TTC7B: variants seen among roughly 807,000 people sequenced by gnomAD.
TTC7B encodes tetratricopeptide repeat protein 7B.
Under a neutral mutation model 106.8 loss-of-function variants are expected in TTC7B, and 28 were observed. The ratio of observed to expected loss-of-function variants is 0.26; its 90% CI spans 0.19 to 0.36. The LOEUF is 0.36. Ranked by LOEUF, TTC7B falls within the 10% of genes least tolerant of loss-of-function variation. The probability of loss-of-function intolerance (pLI) is 1.00; values close to 1 mark genes in which losing one functional copy is unlikely to be tolerated. For missense variants in TTC7B, 862 were observed against 1,076.4 expected, an observed-to-expected ratio of 0.80 and a Z score of 2.79; for synonymous variants, 405 against 430.6, an observed-to-expected ratio of 0.94 and a Z score of 0.74.
At chr14:90,560,888 G>T (rs11620738) in intron 19 of TTC7B, among the ~76,000 whole-genome samples, 42,085 of 152,070 alleles carry the variant, frequency 0.28, 6,776 homozygotes, top group Admixed American at 0.37. Flanking sequence ...TCACCTTTGT[G>T]TAATATATCA....
intron 15 of TTC7B, among the ~76,000 whole-genome samples, chr14:90,629,606 T>C (rs1884602759): frequency 6.6e-6 from 1 of 152,234 alleles, no homozygotes; most frequent in South Asian, 2.1e-4. Flanking sequence ...GCCAGAGGTT[T>C]CCAGGAAACA....
rs1210838086 is a variant in TTC7B at position 90,570,522 on chromosome 14, C to T, written c.2310+7584G>A. 6.6e-6 allele frequency among the ~76,000 whole-genome samples: 1 copy of T among 152,168 alleles called. No homozygotes were observed. Among genetic ancestry groups the T allele is most frequent in the Non-Finnish European group, 1.5e-5 (1 of 68,038 alleles). ...CCCTTTTCCACCTCAAAACCAGGGC[C>T]CTGGCTCTGCAGAAACAGGCAGCAA... On this transcript the variant is annotated intron_variant, in intron 19 of 19. Coordinates refer to ENST00000328459, the MANE Select transcript of TTC7B (RefSeq NM_001010854.2). This position sits in a 1 kb window ranked among gnomAD's most constrained non-coding sequence, Gnocchi z 4.0.
intron 13 of TTC7B, chr14:90,648,853 C>T (rs530265368): frequency 6.6e-6 from 1 of 152,278 alleles, no homozygotes; most frequent in South Asian, 2.1e-4. Flanking sequence ...TTTATTTTAT[C>T]TTCTTTCACA....
rs937450579 is a variant in TTC7B at position 90,600,728 on chromosome 14, G to A, written c.1967-7102C>T. Among the ~76,000 whole-genome samples the A allele has an allele frequency of 2.6e-5, 4 of 152,190 alleles. No homozygotes were observed. Among genetic ancestry groups the A allele is most frequent in the Non-Finnish European group, 5.9e-5 (4 of 68,042 alleles). ...CATGCTGCTGGTGGGTGCTGGCAGG[G>A]CCAGGTGGTCACACAGAAAGCATGG... On this transcript the variant is annotated intron_variant, in intron 17 of 19. Transcript: ENST00000328459. This position sits in a 1 kb window ranked among gnomAD's most constrained non-coding sequence, Gnocchi z 4.3.
intron 15 of TTC7B, among the ~76,000 whole-genome samples, chr14:90,637,037 A>C (rs1042282599): frequency 6.6e-6 from 1 of 151,864 alleles, no homozygotes; most frequent in Non-Finnish European, 1.5e-5. Context: ...AATAATGAAA[A>C]TGAGAACAGA....
At position 90,643,982 on chromosome 14, in the gene TTC7B, A is replaced by C. The variant is rs1025193564; in HGVS notation, c.1751+66T>G. The C allele has an allele frequency of 2.4e-5, 38 of 1,582,300 alleles. No individual in the cohort carries two copies. In the African/African-American group the frequency reaches 4.3e-4, roughly 18 times the overall value. On this transcript the variant is annotated intron_variant, in intron 15 of 19. Coordinates refer to ENST00000328459, the MANE Select transcript of TTC7B (RefSeq NM_001010854.2). ...GAGGGACTTAGACAGATTGGAAAGA[A>C]GGCAGGGGAAGAAGTAAATTTAATA...
At chr14:90,784,788 C>T (rs527624883) in intron 2 of TTC7B, among the ~76,000 whole-genome samples, 4 of 152,248 alleles carry the variant, frequency 2.6e-5, no homozygotes, top group East Asian at 3.9e-4. Context: ...CCAGCCACCC[C>T]CTAGGGGCCT....
intron 18 of TTC7B, among the ~76,000 whole-genome samples, chr14:90,581,912 G>T (rs553342464): frequency 6.6e-6 from 1 of 152,236 alleles, no homozygotes; most frequent in African/African-American, 2.4e-5. Context: ...ACGAAGTCAG[G>T]ATCATGACGG....
intron 7 of TTC7B, among the ~76,000 whole-genome samples, chr14:90,680,754 G>A (rs1025488579): frequency 8.5e-5 from 13 of 152,220 alleles, no homozygotes; most frequent in African/African-American, 3.1e-4. Flanking sequence ...GTAAAGTAAA[G>A]CTGTAAAAAC....
At chr14:90,595,020 G>T (rs1224588277) in intron 17 of TTC7B, among the ~76,000 whole-genome samples, 1 of 152,162 alleles carries the variant, frequency 6.6e-6, no homozygotes, top group East Asian at 1.9e-4. Flanking sequence ...TGCACAATAC[G>T]GAACTCAGAG....
Position 90,721,439 on chromosome 14 carries a change from G to C in TTC7B, c.698+8636C>G, listed in dbSNP as rs1326944073. Reference sequence around the variant, plus strand: ...AGGTTTTGATGGCATTAAGGGATGAGCAAGACCTAGCCCACATTTAAACAG... The same window carrying C: ...AGGTTTTGATGGCATTAAGGGATGACCAAGACCTAGCCCACATTTAAACAG... On this transcript the variant is annotated intron_variant, in intron 5 of 19. Transcript: ENST00000328459. Among the ~76,000 whole-genome samples the C allele has an allele frequency of 2.0e-5, 3 of 152,342 alleles. No homozygotes were observed. In the East Asian group the frequency reaches 5.8e-4, roughly 29 times the overall value.
rs1692003084 is a variant in TTC7B at position 90,538,817 on chromosome 14, A to T, written c.*2551T>A. ...CTAAGCAAGATGGGAAACTGTATGG[A>T]TTCCTATGATGGAAAAATCTCGGGC... On this transcript the variant is annotated 3_prime_UTR_variant, in exon 20 of 20. Transcript: ENST00000328459. 1 of 152,144 alleles carries T rather than the reference A, an allele frequency of 6.6e-6. No homozygotes were observed. Among genetic ancestry groups the T allele is most frequent in the East Asian group, 1.9e-4 (1 of 5,152 alleles). The allele number at this position is 152,144 out of a possible 1,614,324, so 9.4% of individuals were successfully genotyped here.
intron 1 of TTC7B, among the ~76,000 whole-genome samples, chr14:90,794,347 C>T (rs1422562442): frequency 6.6e-6 from 1 of 151,734 alleles, no homozygotes; most frequent in Non-Finnish European, 1.5e-5. Context: ...CTACCTCAGC[C>T]TCCCGAGTAG....
At chr14:90,702,906 G>A (rs1004903877) in intron 5 of TTC7B, among the ~76,000 whole-genome samples, 4 of 152,186 alleles carry the variant, frequency 2.6e-5, no homozygotes, top group East Asian at 1.9e-4. Flanking sequence ...AGATGACCGC[G>A]TGTCTGGCAG....
At chr14:90,719,686 C>T (rs1316096225) in intron 5 of TTC7B, among the ~76,000 whole-genome samples, 2 of 152,210 alleles carry the variant, frequency 1.3e-5, no homozygotes, top group East Asian at 1.9e-4. Flanking sequence ...AAAGAAGCCC[C>T]TGACCTTTCC....
intron 3 of TTC7B, among the ~76,000 whole-genome samples, chr14:90,773,576 G>T (rs1890931356): frequency 6.6e-6 from 1 of 152,168 alleles, no homozygotes; most frequent in African/African-American, 2.4e-5. Context: ...CACCATGCCA[G>T]ACTCTCCATC....
rs147638404 is a variant in TTC7B, at chr14:90,576,799, C to A, written c.2310+1307G>T. Among the ~76,000 whole-genome samples, 324 of 152,314 alleles carry A rather than the reference C, an allele frequency of 2.1e-3. 2 individuals carry two copies. The highest frequency in any genetic ancestry group is 0.017 in the Admixed American group (263 of 15,306). On this transcript the variant is annotated intron_variant, in intron 19 of 19. Coordinates refer to ENST00000328459, the MANE Select transcript of TTC7B (RefSeq NM_001010854.2). ...GCAGTTAGTGCCCAGCCCCTTTCTA[C>A]ATTTTGCAACATTACTATGAGAAAT...
chr14:90,553,690 C>T (rs911063647), intron 19 of TTC7B, among the ~76,000 whole-genome samples: 1 of 152,350 alleles, frequency 6.6e-6, no homozygotes, highest in East Asian at 1.9e-4. Context: ...GCTTCCAGAA[C>T]AGCGCACGCT....
At chr14:90,703,193 C>G (rs1450026419) in intron 5 of TTC7B, among the ~76,000 whole-genome samples, 1 of 152,160 alleles carries the variant, frequency 6.6e-6, no homozygotes, top group East Asian at 1.9e-4. Flanking sequence ...GCACAGAACA[C>G]TGATGGGCAC....
Sources: gnomAD v4.1 joint callset for allele counts (sites outside exome capture counted in the v4.1 genomes callset) on GRCh38, gnomAD v4.1.1 for gene constraint, Gnocchi (gnomAD v3.1) non-coding constraint, MANE v1.5 for transcripts, NCBI Gene and HGNC (gene_info 2026-07-23, HGNC 2026-07-21) for gene names.